RGS20: variants seen among roughly 807,000 people sequenced by gnomAD.
RGS20 encodes the protein gz-selective GTPase-activating protein.
A neutral mutation model predicts 33.6 loss-of-function variants in RGS20; 30 were observed. The ratio of observed to expected loss-of-function variants is 0.89; its 90% CI spans 0.67 to 1.21. The LOEUF (loss-of-function observed/expected upper bound fraction) is 1.21, where lower values mean the gene tolerates loss of function less well. Among genes scored for constraint, RGS20 ranks in the 50% most tolerant of loss-of-function variants. RGS20 has a pLI of 0.00. For missense variants in RGS20, 472 were observed against 502.4 expected (o/e 0.94, Z 0.58); for synonymous variants, 208 against 197.9 (o/e 1.05, Z -0.43).
chr8:53,863,010 T>C (rs942618268), intron 1 of RGS20, among the ~76,000 whole-genome samples: 2 of 152,170 alleles, frequency 1.3e-5, no homozygotes, highest in Non-Finnish European at 2.9e-5. Flanking sequence ...GTTTTTGAGA[T>C]GGAGTTTCGC....
At chr8:53,869,423 C>A (rs527509308) in intron 1 of RGS20, among the ~76,000 whole-genome samples, 1 of 152,196 alleles carries the variant, frequency 6.6e-6, no homozygotes, top group Non-Finnish European at 1.5e-5. Flanking sequence ...CGTCTGTAAT[C>A]CCAGCATTTT....
intron 2 of RGS20, among the ~76,000 whole-genome samples, chr8:53,897,136 T>C (rs1028927275): frequency 6.6e-6 from 1 of 152,254 alleles, no homozygotes; most frequent in East Asian, 1.9e-4. Context: ...TAAACACATC[T>C]TTTGTACATT....
At chr8:53,855,114 G>T (rs1811644261) in intron 1 of RGS20, among the ~76,000 whole-genome samples, 1 of 152,000 alleles carries the variant, frequency 6.6e-6, no homozygotes, top group Admixed American at 6.6e-5. Flanking sequence ...GCCCAGGCTG[G>T]AGTGCAGTGG....
At chr8:53,928,967 C>G (rs1813878193) in intron 2 of RGS20, among the ~76,000 whole-genome samples, 1 of 152,162 alleles carries the variant, frequency 6.6e-6, no homozygotes, top group Non-Finnish European at 1.5e-5. Context: ...GAATCCTGCT[C>G]AGGAATAACA....
intron 2 of RGS20, among the ~76,000 whole-genome samples, chr8:53,909,409 A>G (rs1813288717): frequency 6.6e-6 from 1 of 150,890 alleles, no homozygotes; most frequent in African/African-American, 2.4e-5. Context: ...ACCACCATAT[A>G]TGGCTAATTT....
At chr8:53,899,670 C>T (rs911355639) in intron 2 of RGS20, among the ~76,000 whole-genome samples, 1 of 152,186 alleles carries the variant, frequency 6.6e-6, no homozygotes, top group African/African-American at 2.4e-5. Flanking sequence ...TCATATGATA[C>T]GTGGCCTTTT....
chr8:53,851,828 G>A lies in RGS20; in HGVS notation c.-72G>A. The A allele has an allele frequency of 1.3e-6, 2 of 1,495,664 alleles. No homozygotes were observed. Among genetic ancestry groups the A allele is most frequent in the South Asian group, 2.6e-5 (2 of 78,018 alleles). 92.6% of individuals were successfully genotyped at this position (1,495,664 alleles called of 1,614,324 possible). A position where few individuals can be genotyped will look rare whatever the true frequency, so the allele number is the denominator to read the frequency against. ...CCCAGCATTAACCAAACAAAGAGAA[G>A]CAGAGTGGATCCTGTGCTAATATTG... On this transcript the variant is annotated 5_prime_UTR_variant, in exon 1 of 6. Coordinates refer to ENST00000297313, the MANE Select transcript of RGS20 (RefSeq NM_170587.4).
intron 3 of RGS20, 114 bp downstream of exon 2, chr8:53,939,838 G>A: frequency 7.8e-7 from 1 of 1,275,874 alleles, no homozygotes; most frequent in Non-Finnish European, 1.1e-6. Flanking sequence ...TTCAATAAGT[G>A]TTTTTTAAGC....
intron 2 of RGS20, among the ~76,000 whole-genome samples, chr8:53,933,171 G>T (rs1041041497): frequency 6.6e-6 from 1 of 152,128 alleles, no homozygotes; most frequent in East Asian, 1.9e-4. Context: ...GTGCAAAAAG[G>T]CTGAAAATTG....
rs2129290096 is a variant in RGS20 at position 53,939,573 on chromosome 8, C to G, written c.511-3C>G. The stretch of plus-strand genomic sequence containing the variant: ...GCCCGCTTTGTTCCTCTCCCTCTTG[C>G]AGCAGATGGGATCAGAGCGGATGGA... On this transcript the variant is annotated splice_region_variant and splice_polypyrimidine_tract_variant and intron_variant, in intron 2 of 5. Transcript: ENST00000297313. 3.9e-6 allele frequency: 6 copies of G among 1,550,930 alleles called. No individual in the cohort carries two copies. The highest frequency in any genetic ancestry group is 5.2e-6 in the Non-Finnish European group (6 of 1,146,610).
At position 53,924,436 on chromosome 8, in the gene RGS20, C is replaced by G. The variant is rs1037565394; in HGVS notation, c.511-15140C>G. On this transcript the variant is annotated intron_variant, in intron 2 of 5. Coordinates refer to ENST00000297313, the MANE Select transcript of RGS20 (RefSeq NM_170587.4). ...CTCCTGACCTCAAGTGATCTACCCC[C>G]CTTGGCCTCCCAAAGTGCTAGGATT... is the stretch of plus-strand genomic sequence containing the variant. 3.3e-5 allele frequency among the ~76,000 whole-genome samples: 5 copies of G among 152,032 alleles called. No individual in the cohort carries two copies. The East Asian group carries it at 7.7e-4, about 23-fold the overall frequency.
At chr8:53,947,660 CTATA>C (rs1429437953) in intron 4 of RGS20, among the ~76,000 whole-genome samples, 1 of 83,420 alleles carries the variant, frequency 1.2e-5, no homozygotes, top group African/African-American at 5.0e-5. Flanking sequence ...TTTATATATG[CTATA>C]TATAGGATAT....
At chr8:53,880,847 A>G (rs2129274340) in intron 2 of RGS20, 25 bp from the exon 1 acceptor site, 1 of 1,380,882 alleles carries the variant, frequency 7.2e-7, no homozygotes, top group Non-Finnish European at 9.4e-7. Context: ...GCCGGGTAAA[A>G]GGAGTGAGGG....
chr8:53,869,621 A>G (rs1812010557), intron 1 of RGS20, among the ~76,000 whole-genome samples: 1 of 152,180 alleles, frequency 6.6e-6, no homozygotes, highest in Non-Finnish European at 1.5e-5. Context: ...GGTTGCGGCG[A>G]GCCAAGATCA....
intron 1 of RGS20, among the ~76,000 whole-genome samples, chr8:53,872,889 G>T (rs1293249176): frequency 2.0e-5 from 3 of 151,906 alleles, no homozygotes; most frequent in Admixed American, 2.0e-4. Flanking sequence ...ACCATTTTAG[G>T]CATACAATTC....
At position 53,885,349 on chromosome 8, in the gene RGS20, C is replaced by A. The variant is rs539355149; in HGVS notation, c.510+5747C>A. 8.3e-4 allele frequency among the ~76,000 whole-genome samples: 127 copies of A among 152,328 alleles called. No homozygotes were observed. The Middle Eastern group carries it at 0.01, about 12-fold the overall frequency. On this transcript the variant is annotated intron_variant, in intron 2 of 5. Transcript: ENST00000297313. The stretch of plus-strand genomic sequence containing the variant: ...ACAGCAGAGGCCGGGCGCGGTGGCT[C>A]ACGCCTGTAATCCCAGCACTTTGGG...
At chr8:53,863,519 C>T (rs1811854603) in intron 1 of RGS20, among the ~76,000 whole-genome samples, 1 of 152,116 alleles carries the variant, frequency 6.6e-6, no homozygotes, top group Non-Finnish European at 1.5e-5. Context: ...CGACTTGAGG[C>T]TCAGTTGTAA....
At chr8:53,853,597 CAT>C (rs1430930312) in intron 1 of RGS20, among the ~76,000 whole-genome samples, 1 of 152,182 alleles carries the variant, frequency 6.6e-6, no homozygotes, top group Non-Finnish European at 1.5e-5. Flanking sequence ...AAAGAGGAGA[CAT>C]GTGCCTCATC....
At chr8:53,940,465 G>C (rs1050403514) in intron 3 of RGS20, among the ~76,000 whole-genome samples, 1 of 152,218 alleles carries the variant, frequency 6.6e-6, no homozygotes, top group Non-Finnish European at 1.5e-5. Flanking sequence ...ATTTATGTAG[G>C]CTTGGCAGTA....
Sources: allele counts gnomAD v4.1 joint callset (sites outside exome capture counted in the v4.1 genomes callset), GRCh38; gene constraint gnomAD v4.1.1; transcripts MANE v1.5; gene names NCBI Gene and HGNC (gene_info 2026-07-23, HGNC 2026-07-21).